Variants in ZNF487 observed in about 807,000 individuals in gnomAD.
The protein encoded by ZNF487 is KRAB domain only 1.
Under a neutral mutation model 3.0 loss-of-function variants are expected in ZNF487, and 4 were observed. The observed-to-expected ratio is 1.35, with a 90% CI of 0.66 to 3.08. The LOEUF (loss-of-function observed/expected upper bound fraction) is 3.08, where lower values mean the gene tolerates loss of function less well. Among genes scored for constraint, ZNF487 ranks in the 30% most tolerant of loss-of-function variants. ZNF487 has a pLI of 0.01. For missense variants in ZNF487, 146 were observed against 98.7 expected, an observed-to-expected ratio of 1.48 and a Z score of -2.03; for synonymous variants, 55 against 34.6, an observed-to-expected ratio of 1.59 and a Z score of -2.06.
At chr10:43,506,085 A>G in the ZNF487 span, among the ~76,000 whole-genome samples, 99,287 of 152,126 alleles carry the variant, frequency 0.65, 34,195 homozygotes, top group Non-Finnish European at 0.77. Flanking sequence ...TGTCTGGTGT[A>G]CTTTCACTTT....
intron 1 of ZNF487, among the ~76,000 whole-genome samples, chr10:43,455,883 T>C (rs892711746): frequency 5.3e-5 from 8 of 152,174 alleles, no homozygotes; most frequent in Admixed American, 2.0e-4. Context: ...CGCTTCGCGC[T>C]CCAGGAAGGA....
intron 1 of ZNF487, among the ~76,000 whole-genome samples, chr10:43,460,008 C>T (rs1030162305): frequency 1.4e-4 from 21 of 151,576 alleles, no homozygotes; most frequent in African/African-American, 4.4e-4. Context: ...TTCACCGTGT[C>T]AGCCAGGATG....
downstream of ZNF487, among the ~76,000 whole-genome samples, chr10:43,487,439 C>CGAACATTTTTAATACTAAAAAGT: frequency 6.6e-6 from 1 of 150,548 alleles, no homozygotes; most frequent in East Asian, 2.0e-4. Context: ...GTGCCCGGCC[C>CGAACATTTTTAATACTAAAAAGT]AGAAACATTT....
intron 3 of ZNF487, among the ~76,000 whole-genome samples, chr10:43,480,035 CTTTCTTTCTTTTT>C (rs1564428911): frequency 1.2e-5 from 1 of 84,884 alleles, no homozygotes. Flanking sequence ...TTCTTTCTTT[CTTTCTTTCTTTTT>C]CTTTCTTTCT....
chr10:43,448,497 A>T (rs1380740274), intron 1 of ZNF487, among the ~76,000 whole-genome samples: 2 of 151,956 alleles, frequency 1.3e-5, no homozygotes, highest in Non-Finnish European at 2.9e-5. Flanking sequence ...GGGTCTATGT[A>T]TATGTGGATT....
Position 43,482,770 on chromosome 10 carries a change from CCTT to C in ZNF487, c.*851_*853del. 2.1e-6 allele frequency: 1 copy of C among 478,500 alleles called. No individual in the cohort carries two copies. Among genetic ancestry groups the C allele is most frequent in the Non-Finnish European group, 4.3e-6 (1 of 235,204 alleles). 29.6% of individuals were successfully genotyped at this position (478,500 alleles called of 1,614,324 possible). A position where few individuals can be genotyped will look rare whatever the true frequency, so the allele number is the denominator to read the frequency against. On this transcript the variant is annotated 3_prime_UTR_variant, in exon 4 of 4. Transcript: ENST00000437590. Reference sequence around the variant, plus strand: ...TTTGAATGCAATGAATGTCAAAAATCCTTCTCTGTGAAGTCAAAACTTAGAGAA... The same window carrying C: ...TTTGAATGCAATGAATGTCAAAAATCCTCTGTGAAGTCAAAACTTAGAGAA...
intron 1 of ZNF487, among the ~76,000 whole-genome samples, chr10:43,439,282 C>G (rs1451046979): frequency 1.3e-5 from 2 of 151,968 alleles, no homozygotes; most frequent in African/African-American, 2.4e-5. Flanking sequence ...TGCCTGTAGT[C>G]CTAGCTACTC....
chr10:43,498,798 C>T, the ZNF487 span, among the ~76,000 whole-genome samples: 2 of 151,676 alleles, frequency 1.3e-5, no homozygotes, highest in Non-Finnish European at 1.5e-5. Flanking sequence ...AAAAATTAGC[C>T]GGGCGTAGTG....
At chr10:43,496,657 A>G in the ZNF487 span, among the ~76,000 whole-genome samples, 72 of 152,278 alleles carry the variant, frequency 4.7e-4, no homozygotes, top group Middle Eastern at 6.8e-3. Context: ...TTTTTGGGTT[A>G]CAAACAACTG....
At chr10:43,514,609 A>C in the ZNF487 span, among the ~76,000 whole-genome samples, 1 of 152,160 alleles carries the variant, frequency 6.6e-6, no homozygotes, top group East Asian at 1.9e-4. Context: ...TCTGATTGCC[A>C]CTTTGCCTCT....
chr10:43,462,476 A>C (rs1056226038), intron 1 of ZNF487, among the ~76,000 whole-genome samples: 1 of 64,018 alleles, frequency 1.6e-5, no homozygotes, highest in African/African-American at 4.8e-5. Context: ...TTTTTTTTTG[A>C]GACAGAGTCT....
the ZNF487 span, among the ~76,000 whole-genome samples, chr10:43,495,757 C>G: frequency 2.6e-5 from 4 of 152,036 alleles, no homozygotes; most frequent in Non-Finnish European, 5.9e-5. Flanking sequence ...ATTTTTATAT[C>G]CCCAGAACAT....
chr10:43,509,458 CATAT>C, the ZNF487 span, among the ~76,000 whole-genome samples: 46 of 135,248 alleles, frequency 3.4e-4, no homozygotes, highest in Middle Eastern at 3.8e-3. Flanking sequence ...ACTAATGGAA[CATAT>C]ATATATATAT....
intron 1 of ZNF487, among the ~76,000 whole-genome samples, chr10:43,460,978 G>A (rs1162543880): frequency 2.0e-5 from 3 of 151,814 alleles, no homozygotes; most frequent in African/African-American, 4.8e-5. Context: ...ACAGGCGTGA[G>A]CTATCACACC....
rs375359774 is a variant in ZNF487, at chr10:43,457,554, TG to T, written c.-93-18163del. Among the ~76,000 whole-genome samples, 231 of 94,820 alleles carry T rather than the reference TG, an allele frequency of 2.4e-3. 6 individuals are homozygous for T. The highest frequency in any genetic ancestry group is 4.9e-3 in the East Asian group (16 of 3,292). 62.2% of individuals were successfully genotyped at this position (94,820 alleles called of 152,430 possible). A position where few individuals can be genotyped will look rare whatever the true frequency, so the allele number is the denominator to read the frequency against. On this transcript the variant is annotated intron_variant, in intron 1 of 3. Coordinates refer to ENST00000437590, the MANE Select transcript of ZNF487 (RefSeq NM_001355444.3). Reference sequence around the variant, plus strand: ...TGGGCGACAAAGCAAGACTCTGTCTTGGGGAAAAAAAAAAAAAAAAAAGAAA... The same window carrying T: ...TGGGCGACAAAGCAAGACTCTGTCTTGGGAAAAAAAAAAAAAAAAAAGAAA...
the ZNF487 span, among the ~76,000 whole-genome samples, chr10:43,491,576 C>G: frequency 3.3e-5 from 5 of 151,684 alleles, no homozygotes; most frequent in Non-Finnish European, 5.9e-5. Flanking sequence ...ACAGACACTT[C>G]GAGCACAACA....
At chr10:43,520,379 T>A in the ZNF487 span, among the ~76,000 whole-genome samples, 39,698 of 152,092 alleles carry the variant, frequency 0.26, 5,495 homozygotes, top group Non-Finnish European at 0.29. Flanking sequence ...CTAAGGTGAA[T>A]ATATTCAGCT....
intron 1 of ZNF487, among the ~76,000 whole-genome samples, chr10:43,458,813 C>T (rs1396980254): frequency 1.3e-5 from 2 of 151,858 alleles, no homozygotes; most frequent in Non-Finnish European, 2.9e-5. Flanking sequence ...TCCCATAGAC[C>T]TCTTTCTGAT....
intron 1 of ZNF487, among the ~76,000 whole-genome samples, chr10:43,440,211 G>C (rs1839547173): frequency 6.6e-6 from 1 of 151,830 alleles, no homozygotes; most frequent in Admixed American, 6.6e-5. Context: ...ACCATGCCTG[G>C]CTAATTTTTT....
Sources: gnomAD v4.1 joint callset for allele counts (sites outside exome capture counted in the v4.1 genomes callset) on GRCh38, gnomAD v4.1.1 for gene constraint, MANE v1.5 for transcripts, NCBI Gene and HGNC (gene_info 2026-07-23, HGNC 2026-07-21) for gene names.